PIK3CG: variants seen among roughly 807,000 people sequenced by gnomAD.
PIK3CG encodes the protein phosphatidylinositol-4,5-bisphosphate 3-kinase catalytic subunit gamma, also known as phosphatidylinositol 4,5-bisphosphate 3-kinase catalytic subunit gamma isoform.
Under a neutral mutation model 102.3 loss-of-function variants are expected in PIK3CG, and 55 were observed. The observed-to-expected ratio is 0.54, with a 90% CI of 0.43 to 0.67. PIK3CG has a LOEUF of 0.67. Among genes scored for constraint, PIK3CG ranks in the 30% least tolerant of loss-of-function variants. PIK3CG has a pLI of 0.00. For synonymous variants in PIK3CG, 552 were observed against 540.0 expected, an observed-to-expected ratio of 1.02 and a Z score of -0.31; for missense variants, 1,258 against 1,391.8, an observed-to-expected ratio of 0.90 and a Z score of 1.53.
At position 106,877,123 on chromosome 7, in the gene PIK3CG, A is replaced by G. The variant is rs1790776088; in HGVS notation, c.2391+2320A>G. ...TGTGGTGGGAGGATCACTTGAGCTCAGGAGTTTGATACTGCAGTGAGCTGT... is the reference window on the plus strand; with the variant it reads ...TGTGGTGGGAGGATCACTTGAGCTCGGGAGTTTGATACTGCAGTGAGCTGT... On this transcript the variant is annotated intron_variant, in intron 5 of 10. Coordinates refer to ENST00000496166, the MANE Select transcript of PIK3CG (RefSeq NM_001282426.2). This position sits in a 1 kb window ranked among gnomAD's most constrained non-coding sequence, Gnocchi z 4.5. Among the ~76,000 whole-genome samples the G allele has an allele frequency of 6.6e-6, 1 of 152,214 alleles. No individual in the cohort carries two copies. The highest frequency in any genetic ancestry group is 2.1e-4 in the South Asian group (1 of 4,828).
rs559463107 is a variant in PIK3CG, at chr7:106,875,909, G to GT, written c.2391+1122dup. Among the ~76,000 whole-genome samples, 1,045 of 123,026 alleles carry GT rather than the reference G, an allele frequency of 8.5e-3. 24 individuals are homozygous for GT. The highest frequency in any genetic ancestry group is 0.016 in the African/African-American group (517 of 32,766). 80.7% of individuals were successfully genotyped at this position (123,026 alleles called of 152,430 possible). A position where few individuals can be genotyped will look rare whatever the true frequency, so the allele number is the denominator to read the frequency against. ...ACTTGTTATCATCAGTTTTTTTTTT[G>GT]TTTTTTTTTTTTTTTTGAGACGGAG... On this transcript the variant is annotated intron_variant, in intron 5 of 10. Transcript: ENST00000496166.
intron 6 of PIK3CG, among the ~76,000 whole-genome samples, chr7:106,881,634 G>A (rs915199243): frequency 6.6e-6 from 1 of 152,056 alleles, no homozygotes; most frequent in African/African-American, 2.4e-5. Flanking sequence ...ATCACTTGAG[G>A]TCAGGAGTTT....
chr7:106,889,377 C>T (rs1215077223), intron 10 of PIK3CG, among the ~76,000 whole-genome samples: 2 of 152,074 alleles, frequency 1.3e-5, no homozygotes, highest in African/African-American at 2.4e-5. Flanking sequence ...ACTGCTAAGC[C>T]TTCCAAAAAG....
In PIK3CG at chr7:106,886,230, G is replaced by C. The variant is rs187255851; in HGVS notation, c.2968G>C (p.Asp990His). 11 of 1,614,148 alleles carry C rather than the reference G, an allele frequency of 6.8e-6. No homozygotes were observed. The Admixed American group carries it at 1.7e-4, about 24-fold the overall frequency. Reference sequence around the variant, plus strand: ...GAGAGTGCCATTTGTGCTAACCCCTGACTTCCTCTTTGTGATGGGAACTTC... The same window carrying C: ...GAGAGTGCCATTTGTGCTAACCCCTCACTTCCTCTTTGTGATGGGAACTTC... The part of the protein sequence containing the change: ...KERVPFVLTP[D>H]FLFVMGTSGK... The change falls in exon 10 of 11, where the codon GAC becomes CAC. Residue 990 changes from aspartate to histidine, a missense_variant. Coordinates refer to ENST00000496166, the MANE Select transcript of PIK3CG (RefSeq NM_001282426.2).
intron 10 of PIK3CG, among the ~76,000 whole-genome samples, chr7:106,889,920 G>A (rs1232933768): frequency 1.3e-5 from 2 of 152,192 alleles, no homozygotes; most frequent in East Asian, 3.8e-4. Flanking sequence ...AGCCATTGGA[G>A]CAGCATCCTA....
chr7:106,871,831 A>G (rs900863436), intron 2 of PIK3CG, among the ~76,000 whole-genome samples: 5 of 152,236 alleles, frequency 3.3e-5, no homozygotes, highest in Non-Finnish European at 4.4e-5. Flanking sequence ...AATATTCTCT[A>G]ACATCAGCCA....
In PIK3CG at chr7:106,869,083, C is replaced by G. The variant is rs2116457368; in HGVS notation, c.1522C>G (p.Pro508Ala). The change falls in exon 2 of 11, where the codon CCA becomes GCA. Residue 508 changes from proline to alanine, a missense_variant. Transcript: ENST00000496166. This position sits in a 1 kb window ranked among gnomAD's most constrained non-coding sequence, Gnocchi z 5.3. ...NADKLTSATN[P>A]DKENSMSISI... The stretch of plus-strand genomic sequence containing the variant: ...TGACAAACTCACGTCTGCAACTAAC[C>G]CAGACAAGGAGAACTCAATGTCCAT... The G allele has an allele frequency of 1.2e-6, 2 of 1,614,168 alleles. No homozygotes were observed. Among genetic ancestry groups the G allele is most frequent in the Non-Finnish European group, 8.5e-7 (1 of 1,180,014 alleles).
In PIK3CG at chr7:106,908,670, AT is replaced by A. The variant is rs1189733639; in HGVS notation, c.*3290del. The stretch of plus-strand genomic sequence containing the variant: ...ATATATCTTTTTCAGGTGATGAATT[AT>A]TTTTTTAAAAAAGGTTACATATAGG... On this transcript the variant is annotated 3_prime_UTR_variant, in exon 11 of 11. Coordinates refer to ENST00000496166, the MANE Select transcript of PIK3CG (RefSeq NM_001282426.2). The surrounding 1 kb of genome is among the most constrained non-coding windows in gnomAD (Gnocchi z 4.1). Among the ~76,000 whole-genome samples the A allele has an allele frequency of 2.6e-5, 4 of 152,156 alleles. No individual in the cohort carries two copies. Among genetic ancestry groups the A allele is most frequent in the Non-Finnish European group, 5.9e-5 (4 of 68,016 alleles).
chr7:106,903,824 T>A lies in PIK3CG; in HGVS notation c.3031-1285T>A, dbSNP rs932468432. On this transcript the variant is annotated intron_variant, in intron 10 of 10. Coordinates refer to ENST00000496166, the MANE Select transcript of PIK3CG (RefSeq NM_001282426.2). The surrounding 1 kb of genome is among the most constrained non-coding windows in gnomAD (Gnocchi z 4.3). ...CCTACTTTGGAGTGCAGTGGAGTGA[T>A]CTCAGCTCACTGCAACCTCTACCTC... Among the ~76,000 whole-genome samples, 1 of 152,066 alleles carries A rather than the reference T, an allele frequency of 6.6e-6. No homozygotes were observed. The highest frequency in any genetic ancestry group is 1.5e-5 in the Non-Finnish European group (1 of 68,020).
chr7:106,878,025 C>T (rs929164635), intron 5 of PIK3CG, among the ~76,000 whole-genome samples: 1 of 152,272 alleles, frequency 6.6e-6, no homozygotes. Context: ...TGCCTTATAT[C>T]GGTCCACATT....
rs1009829887 is a variant in PIK3CG at position 106,890,379 on chromosome 7, C to T, written c.3030+4087C>T. Among the ~76,000 whole-genome samples the T allele has an allele frequency of 6.6e-6, 1 of 152,096 alleles. No individual in the cohort carries two copies. Among genetic ancestry groups the T allele is most frequent in the Non-Finnish European group, 1.5e-5 (1 of 68,016 alleles). On this transcript the variant is annotated intron_variant, in intron 10 of 10. Coordinates refer to ENST00000496166, the MANE Select transcript of PIK3CG (RefSeq NM_001282426.2). This position sits in a 1 kb window ranked among gnomAD's most constrained non-coding sequence, Gnocchi z 4.2. The stretch of plus-strand genomic sequence containing the variant: ...CATATTTTTAGTAGAGACGGGGTTT[C>T]ACCGTGTTAACCAGGATGGTCTCAA...
Position 106,883,149 on chromosome 7 carries a change from C to T in PIK3CG, c.2746C>T (p.Pro916Ser), listed in dbSNP as rs1463689645. 1 of 1,614,098 alleles carries T rather than the reference C, an allele frequency of 6.2e-7. No individual in the cohort carries two copies. The highest frequency in any genetic ancestry group is 1.7e-5 in the Admixed American group (1 of 60,014). The stretch of plus-strand genomic sequence containing the variant: ...GAATCACTGGCTCAAAGAAAAATCC[C>T]CTACTGAAGAAAAGGTGAGCTCATG... ...VLNHWLKEKSPTEEKFQAAVE... is the reference protein window; with the variant it reads ...VLNHWLKEKSSTEEKFQAAVE... The change falls in exon 8 of 11, where the codon CCT (proline) becomes TCT (serine). Residue 916 changes from proline (P) to serine (S), a missense_variant. Pro to Ser is a moderately conservative substitution (Grantham distance 74). This residue lies in a region of PIK3CG where 426 missense variants were observed against 604.2 expected (regional missense o/e 0.71). Transcript: ENST00000496166. The surrounding 1 kb of genome is among the most constrained non-coding windows in gnomAD (Gnocchi z 5.8).
rs201525740 is a variant in PIK3CG at position 106,868,561 on chromosome 7, G to C, written c.1000G>C (p.Gly334Arg). 6.2e-7 allele frequency: 1 copy of C among 1,614,084 alleles called. No individual in the cohort carries two copies. The highest frequency in any genetic ancestry group is 8.5e-7 in the Non-Finnish European group (1 of 1,180,000). Residue 334 changes from glycine (G) to arginine (R), a missense_variant, in exon 2 of 11, where the codon GGC (glycine) becomes CGC (arginine). Coordinates refer to ENST00000496166, the MANE Select transcript of PIK3CG (RefSeq NM_001282426.2). The surrounding 1 kb of genome is among the most constrained non-coding windows in gnomAD (Gnocchi z 6.2). ...PLVDDCTGVT[G>R]YHEQLTIHGK... ...GGTGGATGACTGCACGGGAGTCACC[G>C]GCTACCATGAGCAGCTTACCATCCA...
In PIK3CG at chr7:106,883,530, C is replaced by T. The variant is rs1791002868; in HGVS notation, c.2760+367C>T. On this transcript the variant is annotated intron_variant, in intron 8 of 10. Coordinates refer to ENST00000496166, the MANE Select transcript of PIK3CG (RefSeq NM_001282426.2). This position sits in a 1 kb window ranked among gnomAD's most constrained non-coding sequence, Gnocchi z 5.8. The stretch of plus-strand genomic sequence containing the variant: ...ACTCTTACGTACCTGGGAAATACAA[C>T]ATACACAACAAAGTAATTTATAATT... Among the ~76,000 whole-genome samples, 1 of 152,186 alleles carries T rather than the reference C, an allele frequency of 6.6e-6. No homozygotes were observed. The highest frequency in any genetic ancestry group is 1.5e-5 in the Non-Finnish European group (1 of 68,034).
rs766973241 is a variant in PIK3CG at position 106,868,410 on chromosome 7, C to T, written c.849C>T (p.Gly283=). ...RVCGRDEYLV[G]ETPIKNFQWV... The stretch of plus-strand genomic sequence containing the variant: ...GTGGCCGGGATGAGTACCTGGTGGG[C>T]GAAACGCCCATCAAAAACTTCCAGT... Residue 283 remains glycine (G), a synonymous_variant, in exon 2 of 11, where the codon GGC becomes GGT. Transcript: ENST00000496166. This position sits in a 1 kb window ranked among gnomAD's most constrained non-coding sequence, Gnocchi z 6.2. 9 of 1,614,084 alleles carry T rather than the reference C, an allele frequency of 5.6e-6. No homozygotes were observed. Among genetic ancestry groups the T allele is most frequent in the African/African-American group, 5.3e-5 (4 of 74,932 alleles).
chr7:106,887,992 G>C (rs1488137904), intron 10 of PIK3CG, among the ~76,000 whole-genome samples: 1 of 122,958 alleles, frequency 8.1e-6, no homozygotes, highest in Non-Finnish European at 1.6e-5. Context: ...CCAGGCTAGA[G>C]TACAGTGGCA....
chr7:106,877,862 TTTA>T lies in PIK3CG; in HGVS notation c.2392-1652_2392-1650del, dbSNP rs2116514296. On this transcript the variant is annotated intron_variant, in intron 5 of 10. Transcript: ENST00000496166. The surrounding 1 kb of genome is among the most constrained non-coding windows in gnomAD (Gnocchi z 4.5). Reference sequence around the variant, plus strand: ...TAACCCCCGCATCCTTTGCATTATTTTTATTATGATTTCAACTTCTATATATGT... The same window carrying T: ...TAACCCCCGCATCCTTTGCATTATTTTTATGATTTCAACTTCTATATATGT... Among the ~76,000 whole-genome samples, 1 of 152,326 alleles carries T rather than the reference TTTA, an allele frequency of 6.6e-6. No individual in the cohort carries two copies. Among genetic ancestry groups the T allele is most frequent in the South Asian group, 2.1e-4 (1 of 4,828 alleles).
In PIK3CG at chr7:106,868,382, T is replaced by C. The variant is rs2116438856; in HGVS notation, c.821T>C (p.Val274Ala). 6.2e-7 allele frequency: 1 copy of C among 1,614,168 alleles called. No individual in the cohort carries two copies. The highest frequency in any genetic ancestry group is 8.5e-7 in the Non-Finnish European group (1 of 1,180,020). ...SQSEQDFVLR[V>A]CGRDEYLVGE... is the part of the protein sequence containing the mutation. ...AGCGAACAGGATTTTGTGCTGCGCG[T>C]CTGTGGCCGGGATGAGTACCTGGTG... The change falls in exon 2 of 11, where the codon GTC (valine) becomes GCC (alanine). Residue 274 changes from valine (V) to alanine (A), a missense_variant. Coordinates refer to ENST00000496166, the MANE Select transcript of PIK3CG (RefSeq NM_001282426.2). The surrounding 1 kb of genome is among the most constrained non-coding windows in gnomAD (Gnocchi z 6.2).
Position 106,894,943 on chromosome 7 carries a change from C to G in PIK3CG, c.3030+8651C>G, listed in dbSNP as rs539763775. On this transcript the variant is annotated intron_variant, in intron 10 of 10. Coordinates refer to ENST00000496166, the MANE Select transcript of PIK3CG (RefSeq NM_001282426.2). This position sits in a 1 kb window ranked among gnomAD's most constrained non-coding sequence, Gnocchi z 4.4. ...AAATGATAATGAATTCCTTTGTTCC[C>G]AAGACTTCTAAGGGCAGTAGCTTTG... Among the ~76,000 whole-genome samples, 8 of 152,106 alleles carry G rather than the reference C, an allele frequency of 5.3e-5. No individual in the cohort carries two copies. The highest frequency in any genetic ancestry group is 1.2e-4 in the Non-Finnish European group (8 of 68,000).
Sources: allele counts gnomAD v4.1 joint callset (sites outside exome capture counted in the v4.1 genomes callset), GRCh38; gene constraint gnomAD v4.1.1; regional missense constraint gnomAD v4.1.1; non-coding constraint Gnocchi (gnomAD v3.1); transcripts MANE v1.5; gene names NCBI Gene and HGNC (gene_info 2026-07-23, HGNC 2026-07-21).